The following COA1 variants were observed in gnomAD, a reference collection of about 807,000 sequenced individuals.
COA1 encodes cytochrome c oxidase assembly factor 1 homolog.
A neutral mutation model predicts 16.0 loss-of-function variants in COA1; 13 were observed. That is an observed-to-expected ratio of 0.81 (90% CI 0.53 to 1.29). The LOEUF is 1.29. COA1 is among the 50% of genes most tolerant of loss of function. The probability of loss-of-function intolerance (pLI) is 0.00; values close to 1 mark genes in which losing one functional copy is unlikely to be tolerated. For synonymous variants in COA1, 65 were observed against 65.7 expected, an observed-to-expected ratio of 0.99 and a Z score of 0.05; for missense variants, 179 against 177.0, an observed-to-expected ratio of 1.01 and a Z score of -0.06.
chr7:43,713,606 T>C (rs1409003221), intron 1 of COA1, among the ~76,000 whole-genome samples: 3 of 152,194 alleles, frequency 2.0e-5, no homozygotes, highest in Non-Finnish European at 4.4e-5. Flanking sequence ...AGATTGTTGG[T>C]AACTGTTTTT....
intron 6 of COA1, chr7:43,623,395 A>G: frequency 1.7e-6 from 1 of 584,038 alleles, no homozygotes. Context: ...AAACAAGTTA[A>G]TTACAAACAT....
chr7:43,648,232 T>C, intron 2 of COA1: 1 of 347,198 alleles, frequency 2.9e-6, no homozygotes, highest in Non-Finnish European at 5.4e-6. Context: ...TAAAGTTAAT[T>C]ACAGTAATGT....
intron 1 of COA1, among the ~76,000 whole-genome samples, chr7:43,709,434 T>TTGTGTGTGTGTGTGTGTG (rs59823123): frequency 1.0e-4 from 15 of 144,990 alleles, no homozygotes; most frequent in South Asian, 4.5e-4. Context: ...CTTTGTTTTA[T>TTGTGTGTGTGTGTGTGTG]TGTGTGTGTG....
At chr7:43,636,859 G>A (rs1404543971), downstream of COA1, among the ~76,000 whole-genome samples, 2 of 152,212 alleles carry the variant, frequency 1.3e-5, no homozygotes. Flanking sequence ...TTCATTAACA[G>A]TAGAATCATG....
chr7:43,613,051 G>C lies in COA1; in HGVS notation c.*134-3556C>G, dbSNP rs370348011. 3.9e-5 allele frequency among the ~76,000 whole-genome samples: 6 copies of C among 152,330 alleles called. No homozygotes were observed. The East Asian group carries it at 5.8e-4, about 15-fold the overall frequency. On this transcript the variant is annotated intron_variant and NMD_transcript_variant, in intron 6 of 6. Coordinates refer to the COA1 transcript ENST00000415076. Reference sequence around the variant, plus strand: ...ATTAGTCATTCAGTACAGCGGCCTGGTTTTAGTCCTGTCAGAGGGAGGGAG... The same window carrying C: ...ATTAGTCATTCAGTACAGCGGCCTGCTTTTAGTCCTGTCAGAGGGAGGGAG...
chr7:43,662,489 CA>C (rs1463893739), intron 1 of COA1, among the ~76,000 whole-genome samples: 1 of 152,220 alleles, frequency 6.6e-6, no homozygotes, highest in Non-Finnish European at 1.5e-5. Context: ...CTCAGCCTCC[CA>C]AAGTGCTGGG....
At chr7:43,644,790 G>GCAGACAGACAGA (rs2088625655) in intron 4 of COA1, among the ~76,000 whole-genome samples, 1 of 39,528 alleles carries the variant, frequency 2.5e-5, no homozygotes, top group Admixed American at 2.3e-4. Flanking sequence ...AGGCAGGCAG[G>GCAGACAGACAGA]CAGAGAGACA....
At chr7:43,630,147 G>T (rs1228364366) in intron 6 of COA1, among the ~76,000 whole-genome samples, 1 of 152,100 alleles carries the variant, frequency 6.6e-6, no homozygotes, top group African/African-American at 2.4e-5. Flanking sequence ...AAGGTATTTA[G>T]TATCTGGCCC....
At chr7:43,646,527 C>T (rs1455766075) in intron 3 of COA1, 1 of 456,066 alleles carries the variant, frequency 2.2e-6, no homozygotes, top group African/African-American at 2.0e-5. Context: ...GAGATTCAAC[C>T]ATTCAACCCA....
At chr7:43,672,938 T>C (rs1394582861) in intron 1 of COA1, among the ~76,000 whole-genome samples, 1 of 152,192 alleles carries the variant, frequency 6.6e-6, no homozygotes, top group Non-Finnish European at 1.5e-5. Flanking sequence ...GTTCAATTAA[T>C]GGTGCTGAAA....
chr7:43,670,466 T>G (rs1584765545), intron 1 of COA1, among the ~76,000 whole-genome samples: 1 of 151,798 alleles, frequency 6.6e-6, no homozygotes, highest in African/African-American at 2.4e-5. Flanking sequence ...AAAAAAAAAT[T>G]TTCATCATAA....
downstream of COA1, among the ~76,000 whole-genome samples, chr7:43,637,391 G>A (rs565017567): frequency 6.6e-5 from 10 of 152,142 alleles, no homozygotes; most frequent in Middle Eastern, 3.2e-3. Flanking sequence ...GTCTTTACAA[G>A]TCTACAGTTT....
chr7:43,705,263 C>A (rs924581168), intron 1 of COA1, among the ~76,000 whole-genome samples: 3 of 152,236 alleles, frequency 2.0e-5, no homozygotes, highest in African/African-American at 7.2e-5. Flanking sequence ...CAGCAATAGG[C>A]TCCCACGCAC....
chr7:43,665,237 CA>C (rs1469234278), intron 1 of COA1, among the ~76,000 whole-genome samples: 1 of 152,122 alleles, frequency 6.6e-6, no homozygotes, highest in Non-Finnish European at 1.5e-5. Context: ...TTTGAGCTTT[CA>C]ATCTAAATCT....
At chr7:43,692,405 C>T (rs779874991) in intron 1 of COA1, among the ~76,000 whole-genome samples, 8 of 152,006 alleles carry the variant, frequency 5.3e-5, no homozygotes, top group Non-Finnish European at 1.2e-4. Flanking sequence ...GTGGTCTCAG[C>T]TACTTGGGAG....
At chr7:43,654,218 G>C (rs1410520748) in intron 1 of COA1, among the ~76,000 whole-genome samples, 1 of 152,104 alleles carries the variant, frequency 6.6e-6, no homozygotes, top group Non-Finnish European at 1.5e-5. Context: ...CCCAAACTGG[G>C]TATGAGTCCA....
In COA1 at chr7:43,727,943, G is replaced by A. The variant is rs536550005; in HGVS notation, c.-39+1486C>T. Among the ~76,000 whole-genome samples the A allele has an allele frequency of 1.1e-4, 17 of 151,598 alleles. No individual in the cohort carries two copies. The South Asian group carries it at 3.3e-3, about 30-fold the overall frequency. On this transcript the variant is annotated intron_variant, in intron 1 of 5. Coordinates refer to ENST00000223336, the MANE Select transcript of COA1 (RefSeq NM_018224.4). Reference sequence around the variant, plus strand: ...ATGATGGTTGTACAACTTTGTGAATGTACTAATGTACTAATTACTTTTAGG... The same window carrying A: ...ATGATGGTTGTACAACTTTGTGAATATACTAATGTACTAATTACTTTTAGG...
At chr7:43,624,803 A>G (rs756113243) in intron 6 of COA1, 1 of 1,605,892 alleles carries the variant, frequency 6.2e-7, no homozygotes, top group East Asian at 2.2e-5. Context: ...AATTTGAGGA[A>G]CCTTTGCTAC....
chr7:43,728,235 A>C (rs2132426939), intron 1 of COA1, among the ~76,000 whole-genome samples: 1 of 152,312 alleles, frequency 6.6e-6, no homozygotes, highest in East Asian at 1.9e-4. Flanking sequence ...CGGCCTCCCA[A>C]AGTGCTGGGA....
Sources: allele counts gnomAD v4.1 joint callset (sites outside exome capture counted in the v4.1 genomes callset), GRCh38; gene constraint gnomAD v4.1.1; transcripts MANE v1.5; gene names NCBI Gene and HGNC (gene_info 2026-07-23, HGNC 2026-07-21).